Variants in RGPD3 observed in about 807,000 individuals in gnomAD.
RGPD3 encodes the protein RANBP2 like and GRIP domain containing 3, also known as ranBP2-like and GRIP domain-containing protein 3.
In RGPD3, 62 loss-of-function variants were observed where a neutral mutation model predicts 154.5. The ratio of observed to expected loss-of-function variants is 0.40; its 90% confidence interval spans 0.33 to 0.50. RGPD3 has a LOEUF of 0.50. RGPD3 is among the 20% of genes least tolerant of loss of function. The pLI, the probability that RGPD3 is intolerant of heterozygous loss-of-function variation, is 0.59. For missense variants in RGPD3, 919 were observed against 1,716.8 expected, an observed-to-expected ratio of 0.54 and a Z score of 8.21; for synonymous variants, 308 against 607.0, an observed-to-expected ratio of 0.51 and a Z score of 7.24.
chr2:106,468,416 C>G (rs541098807), upstream of RGPD3: 217 of 1,514,962 alleles, frequency 1.4e-4, 1 homozygote, highest in Admixed American at 1.4e-3. Context: ...ACCACTGTGA[C>G]GAACTTGTGT....
chr2:106,448,785 G>A (rs1451528918), intron 6 of RGPD3, among the ~76,000 whole-genome samples: 1 of 151,950 alleles, frequency 6.6e-6, no homozygotes, highest in East Asian at 1.9e-4. Context: ...CTGACTCCCA[G>A]GTTCAAGCGA....
intron 8 of RGPD3, 103 bp downstream of exon 8, chr2:106,441,190 T>C: frequency 6.5e-7 from 1 of 1,532,046 alleles, no homozygotes; most frequent in Non-Finnish European, 8.8e-7. Flanking sequence ...AGAAATAATT[T>C]TGACAAATTA....
chr2:106,469,664 G>A (rs192963262), upstream of RGPD3, among the ~76,000 whole-genome samples: 143 of 152,218 alleles, frequency 9.4e-4, no homozygotes, highest in Non-Finnish European at 1.6e-3. Flanking sequence ...TGGGAGCCTC[G>A]TTCCACATCA....
chr2:106,414,565 T>C (rs1003402310), intron 21 of RGPD3, among the ~76,000 whole-genome samples: 1 of 148,796 alleles, frequency 6.7e-6, no homozygotes, highest in African/African-American at 2.5e-5. Context: ...GAGATTGCAG[T>C]GAGCTGAGAT....
intron 17 of RGPD3, among the ~76,000 whole-genome samples, chr2:106,430,315 ACTCT>A (rs1247257712): frequency 6.8e-6 from 1 of 147,528 alleles, no homozygotes; most frequent in Non-Finnish European, 1.5e-5. Context: ...TAATTCATTA[ACTCT>A]CTCACCTAAA....
At position 106,424,407 on chromosome 2, in the gene RGPD3, C is replaced by T. The variant is rs1485199257; in HGVS notation, c.3560G>A (p.Arg1187Lys). Residue 1187 changes from arginine to lysine, a missense_variant, in exon 20 of 23, where the codon AGA becomes AAA. By Grantham distance (26) the Arg-to-Lys change is conservative. Transcript: ENST00000409886. ...QTPHKLVDTG[R>K]AAKLIQRAEE... ...AGCTCTCTGTATTAACTTGGCAGCT[C>T]TGCCAGTATCTACAAGTTTATGGGG... The T allele has an allele frequency of 2.5e-6, 4 of 1,610,938 alleles. No homozygotes were observed. In the South Asian group the frequency reaches 4.4e-5, roughly 18 times the overall value.
At chr2:106,419,495 A>G (rs1676911060) in intron 20 of RGPD3, among the ~76,000 whole-genome samples, 1 of 152,200 alleles carries the variant, frequency 6.6e-6, no homozygotes, top group Admixed American at 6.5e-5. Context: ...TTCTATTTAA[A>G]AAGTAGACAA....
intron 22 of RGPD3, among the ~76,000 whole-genome samples, chr2:106,410,063 A>T (rs1654357577): frequency 6.6e-6 from 1 of 151,622 alleles, no homozygotes; most frequent in Non-Finnish European, 1.5e-5. Context: ...CTGAGTAGAG[A>T]GGGGGTTTCA....
chr2:106,468,279 T>G lies in RGPD3; in HGVS notation c.10A>C (p.Ser4Arg), dbSNP rs745504969. MSCSKAYGERYVAS... is the reference protein window; with the variant it reads MSCRKAYGERYVAS... ...ACGTACCGCTCCCCGTAGGCCTTGCTGCAACTCATCGCGCCACCAACCTGG... is the reference window on the plus strand; with the variant it reads ...ACGTACCGCTCCCCGTAGGCCTTGCGGCAACTCATCGCGCCACCAACCTGG... Residue 4 changes from serine to arginine, a missense_variant, in exon 1 of 23, where the codon AGC (serine) becomes CGC (arginine). Coordinates refer to ENST00000409886, the MANE Select transcript of RGPD3 (RefSeq NM_001144013.2). 6.2e-7 allele frequency: 1 copy of G among 1,607,044 alleles called. No homozygotes were observed. Among genetic ancestry groups the G allele is most frequent in the East Asian group, 2.2e-5 (1 of 44,694 alleles).
rs1297975902 is a variant in RGPD3, at chr2:106,420,815, C to T, written c.4924+2228G>A. On this transcript the variant is annotated intron_variant, in intron 20 of 22. Transcript: ENST00000409886. ...TTTGAGATGCGGTCTTCCTTTGTCA[C>T]CCAGAGCTGGAGTGCAGTGATGTGA... Among the ~76,000 whole-genome samples the T allele has an allele frequency of 2.0e-5, 3 of 152,366 alleles. No individual in the cohort carries two copies. In the East Asian group the frequency reaches 5.8e-4, roughly 29 times the overall value.
At chr2:106,463,292 T>C (rs377524852) in intron 1 of RGPD3, among the ~76,000 whole-genome samples, 7 of 152,186 alleles carry the variant, frequency 4.6e-5, no homozygotes, top group East Asian at 3.9e-4. Flanking sequence ...CTGACCAGTA[T>C]GGTGAAATCC....
At chr2:106,421,444 A>G (rs1020626425) in intron 20 of RGPD3, among the ~76,000 whole-genome samples, 1 of 151,868 alleles carries the variant, frequency 6.6e-6, no homozygotes, top group Non-Finnish European at 1.5e-5. Context: ...AAACTGGTAT[A>G]ATTAAAAAAA....
At chr2:106,466,151 C>A (rs1678572579) in intron 1 of RGPD3, among the ~76,000 whole-genome samples, 1 of 152,054 alleles carries the variant, frequency 6.6e-6, no homozygotes, top group African/African-American at 2.4e-5. Context: ...CAGGAGCGAG[C>A]ACCGTCGGGA....
intron 7 of RGPD3, among the ~76,000 whole-genome samples, chr2:106,441,863 C>CAAAAAAAAAAAAAAA (rs1166971652): frequency 5.1e-4 from 7 of 13,638 alleles, no homozygotes; most frequent in Non-Finnish European, 7.4e-4. Flanking sequence ...GACTCCATCG[C>CAAAAAAAAAAAAAAA]AAAAAAAAAA....
intron 21 of RGPD3, among the ~76,000 whole-genome samples, chr2:106,413,575 TG>T (rs1676736043): frequency 6.6e-6 from 1 of 152,218 alleles, no homozygotes; most frequent in Non-Finnish European, 1.5e-5. Flanking sequence ...AACCAAGTGT[TG>T]GGCTATATGA....
At chr2:106,407,607 G>A (rs1048143487) in intron 22 of RGPD3, among the ~76,000 whole-genome samples, 1 of 152,070 alleles carries the variant, frequency 6.6e-6, no homozygotes, top group Non-Finnish European at 1.5e-5. Context: ...GGTGTAAGCT[G>A]AATATAAGAT....
intron 22 of RGPD3, among the ~76,000 whole-genome samples, chr2:106,410,473 C>T (rs1200720197): frequency 6.6e-6 from 1 of 152,018 alleles, no homozygotes; most frequent in East Asian, 1.9e-4. Flanking sequence ...AATCAATGGA[C>T]CCTTAACTTA....
At position 106,436,208 on chromosome 2, in the gene RGPD3, T is replaced by G. The variant is rs1182206097; in HGVS notation, c.1673A>C (p.His558Pro). ...CTGGGCTCTTAGAGTGTTTATTTCATGCTGAACTAGAAGTCTCAATTTTGC... is the reference window on the plus strand; with the variant it reads ...CTGGGCTCTTAGAGTGTTTATTTCAGGCTGAACTAGAAGTCTCAATTTTGC... ...NSAKLRLLVQ[H>P]EINTLRAQEK... The change falls in exon 12 of 23, where the codon CAT becomes CCT. Residue 558 changes from histidine to proline, a missense_variant. By Grantham distance (77) the His-to-Pro change is moderately conservative. Transcript: ENST00000409886. 6.2e-7 allele frequency: 1 copy of G among 1,611,956 alleles called. No individual in the cohort carries two copies. Among genetic ancestry groups the G allele is most frequent in the South Asian group, 1.1e-5 (1 of 90,968 alleles).
intron 22 of RGPD3, among the ~76,000 whole-genome samples, chr2:106,411,076 C>T (rs1469171633): frequency 1.3e-5 from 2 of 150,370 alleles, no homozygotes; most frequent in Non-Finnish European, 3.0e-5. Flanking sequence ...GGCCCCAGAC[C>T]AGAAGTATCA....
Sources: allele counts gnomAD v4.1 joint callset (sites outside exome capture counted in the v4.1 genomes callset), GRCh38; gene constraint gnomAD v4.1.1; transcripts MANE v1.5; gene names NCBI Gene and HGNC (gene_info 2026-07-23, HGNC 2026-07-21).